The following SLC7A1 variants were observed in gnomAD, a reference collection of about 807,000 sequenced individuals.
SLC7A1 encodes the protein solute carrier family 7 member 1.
A neutral mutation model predicts 53.9 loss-of-function variants in SLC7A1; 10 were observed. The observed-to-expected ratio is 0.19, with a 90% CI of 0.11 to 0.31. The LOEUF (loss-of-function observed/expected upper bound fraction) is 0.31. Ranked by LOEUF, SLC7A1 falls within the 10% of genes least tolerant of loss-of-function variation. SLC7A1 has a pLI of 1.00. For missense variants in SLC7A1, 525 were observed against 827.2 expected (o/e 0.63, Z 4.48); for synonymous variants, 342 against 338.7 (o/e 1.01, Z -0.11).
In SLC7A1 at chr13:29,532,972, G is replaced by A. The variant is rs572108301; in HGVS notation, c.381C>T (p.Ser127=). The change falls in exon 4 of 13, where the codon AGC becomes AGT. Residue 127 remains serine, a synonymous_variant. Transcript: ENST00000380752. Reference sequence around the variant, plus strand: ...AGGTGGCGCTCCAGGCCCTCGCTACGCTTGAAGTACCTGCCACAAAGCACA... The same window carrying A: ...AGGTGGCGCTCCAGGCCCTCGCTACACTTGAAGTACCTGCCACAAAGCACA... The part of the protein sequence containing the change: ...LILSYIIGTS[S]VARAWSATFD... 2.5e-5 allele frequency: 41 copies of A among 1,612,044 alleles called. No individual in the cohort carries two copies. Among genetic ancestry groups the A allele is most frequent in the South Asian group, 2.1e-4 (19 of 90,782 alleles).
At chr13:29,578,926 T>C (rs903185421) in intron 1 of SLC7A1, among the ~76,000 whole-genome samples, 2 of 152,214 alleles carry the variant, frequency 1.3e-5, no homozygotes, top group African/African-American at 4.8e-5. Context: ...CATCTTTCAA[T>C]ATTGCCTTTT....
Position 29,578,287 on chromosome 13 carries a change from GT to G in SLC7A1, c.-115+17128del, listed in dbSNP as rs967981032. Among the ~76,000 whole-genome samples, 555 of 149,278 alleles carry G rather than the reference GT, an allele frequency of 3.7e-3. 3 individuals carry two copies. The highest frequency in any genetic ancestry group is 0.013 in the African/African-American group (530 of 40,772). On this transcript the variant is annotated intron_variant, in intron 1 of 12. Transcript: ENST00000380752. ...TCTGAACTTGGGCTGCACAACTGAAGTTTTTTTTTTGTTTTTTGCAAATCGA... is the reference window on the plus strand; with the variant it reads ...TCTGAACTTGGGCTGCACAACTGAAGTTTTTTTTTGTTTTTTGCAAATCGA...
At chr13:29,595,260 G>C (rs1872262747) in intron 1 of SLC7A1, among the ~76,000 whole-genome samples, 156 bp downstream of exon 1, 1 of 151,938 alleles carries the variant, frequency 6.6e-6, no homozygotes, top group East Asian at 2.0e-4. Context: ...CCCGGCCCTG[G>C]TCCTGGCCCT....
At chr13:29,580,474 C>T (rs2139181632) in intron 1 of SLC7A1, among the ~76,000 whole-genome samples, 1 of 152,126 alleles carries the variant, frequency 6.6e-6, no homozygotes, top group Non-Finnish European at 1.5e-5. Context: ...CCAGACAATA[C>T]ATAAACACAT....
rs1439211572 is a variant in SLC7A1, at chr13:29,510,370, T to G, written c.*4110A>C. The G allele has an allele frequency of 6.6e-6, 1 of 152,654 alleles. No homozygotes were observed. Among genetic ancestry groups the G allele is most frequent in the Non-Finnish European group, 1.5e-5 (1 of 68,048 alleles). 9.5% of individuals were successfully genotyped at this position (152,654 alleles called of 1,614,324 possible). A position where few individuals can be genotyped will look rare whatever the true frequency, so the allele number is the denominator to read the frequency against. The stretch of plus-strand genomic sequence containing the variant: ...CATAAGCGTGATGACACATGGAGTG[T>G]AGCTTCTTGCACCACTGGATCAACA... On this transcript the variant is annotated 3_prime_UTR_variant, in exon 13 of 13. Transcript: ENST00000380752.
chr13:29,516,509 AT>A (rs1400588044), intron 11 of SLC7A1, among the ~76,000 whole-genome samples: 1 of 152,152 alleles, frequency 6.6e-6, no homozygotes, highest in African/African-American at 2.4e-5. Context: ...CTCCATTCTC[AT>A]TTTTCTCTGT....
At chr13:29,584,088 T>C (rs1443665921) in intron 1 of SLC7A1, among the ~76,000 whole-genome samples, 2 of 151,738 alleles carry the variant, frequency 1.3e-5, no homozygotes, top group African/African-American at 4.8e-5. Flanking sequence ...ATACCAACAA[T>C]GGTGATGGTA....
chr13:29,517,729 G>A lies in SLC7A1; in HGVS notation c.1354C>T (p.Pro452Ser). 3 of 1,614,144 alleles carry A rather than the reference G, an allele frequency of 1.9e-6. No homozygotes were observed. The highest frequency in any genetic ancestry group is 1.3e-5 in the African/African-American group (1 of 75,038). Residue 452 changes from proline (P) to serine (S), a missense_variant, in exon 10 of 13, where the codon CCA (proline) becomes TCA (serine). Pro to Ser is a moderately conservative substitution (Grantham distance 74, BLOSUM62 -1). Transcript: ENST00000380752. ...QMASTSDELD[P>S]ADQNELASTN... ...CTTGCCAATTCATTTTGGTCTGCTG[G>A]ATCTAACTCGTCGGAAGTACTGGCC...
chr13:29,546,523 C>A (rs1213813592), intron 2 of SLC7A1, among the ~76,000 whole-genome samples: 3 of 152,136 alleles, frequency 2.0e-5, no homozygotes, highest in African/African-American at 7.2e-5. Context: ...GGGTTCCATG[C>A]CAACCTAACT....
rs67453429 is a variant in SLC7A1 at position 29,593,763 on chromosome 13, C to CT, written c.-115+1652dup. Among the ~76,000 whole-genome samples, 573 of 146,908 alleles carry CT rather than the reference C, an allele frequency of 3.9e-3. 12 individuals carry two copies. The highest frequency in any genetic ancestry group is 0.019 in the Admixed American group (278 of 14,738). On this transcript the variant is annotated intron_variant, in intron 1 of 12. Coordinates refer to ENST00000380752, the MANE Select transcript of SLC7A1 (RefSeq NM_003045.5). ...CAACAGTCTTGTCTTTCAAGCCTTT[C>CT]TTTTTTTTTTTCACCTAAAGCAAGT...
At chr13:29,518,104 G>C (rs1868444411) in intron 9 of SLC7A1, among the ~76,000 whole-genome samples, 1 of 152,182 alleles carries the variant, frequency 6.6e-6, no homozygotes, top group African/African-American at 2.4e-5. Flanking sequence ...AGATGCTAAA[G>C]ATACTAGGCC....
At chr13:29,542,328 G>A (rs1351753178) in intron 2 of SLC7A1, among the ~76,000 whole-genome samples, 5 of 152,006 alleles carry the variant, frequency 3.3e-5, no homozygotes, top group South Asian at 2.1e-4. Context: ...GGTGGCAGGC[G>A]CCTGTAATCC....
intron 11 of SLC7A1, 37 bp downstream of exon 11, chr13:29,517,107 G>C: frequency 6.5e-7 from 1 of 1,547,326 alleles, no homozygotes; most frequent in Non-Finnish European, 8.7e-7. Context: ...GCCAGGGTCT[G>C]TGTACCAGGG....
rs1869400763 is a variant in SLC7A1, at chr13:29,536,018, C to G, written c.171G>C (p.Val57=). 3 of 1,613,890 alleles carry G rather than the reference C, an allele frequency of 1.9e-6. No individual in the cohort carries two copies. Among genetic ancestry groups the G allele is most frequent in the Non-Finnish European group, 2.5e-6 (3 of 1,180,028 alleles). Reference sequence around the variant, plus strand: ...TGGCAGGGCCTGCATTCTCACGGGCCACAGCTCCAGCCAGGACGTAGACAC... The same window carrying G: ...TGGCAGGGCCTGCATTCTCACGGGCGACAGCTCCAGCCAGGACGTAGACAC... The part of the protein sequence containing the change: ...GAGVYVLAGA[V]ARENAGPAIV... The change falls in exon 3 of 13, where the codon GTG becomes GTC. Residue 57 remains valine, a synonymous_variant. Coordinates refer to ENST00000380752, the MANE Select transcript of SLC7A1 (RefSeq NM_003045.5).
At chr13:29,517,426 A>G (rs1168045212) in intron 10 of SLC7A1, 116 bp from the exon 11 acceptor site, 2 of 1,250,072 alleles carry the variant, frequency 1.6e-6, no homozygotes, top group Admixed American at 1.9e-5. Context: ...CGAAGGCACA[A>G]CTACAGTTAA....
intron 2 of SLC7A1, among the ~76,000 whole-genome samples, chr13:29,538,137 C>T (rs924757337): frequency 3.9e-5 from 6 of 152,216 alleles, no homozygotes; most frequent in East Asian, 1.9e-4. Context: ...TCATCTGATC[C>T]TATCCCTTTG....
intron 1 of SLC7A1, among the ~76,000 whole-genome samples, chr13:29,565,418 G>T (rs966537241): frequency 1.3e-5 from 2 of 152,222 alleles, no homozygotes; most frequent in African/African-American, 2.4e-5. Context: ...AACAGGGCCT[G>T]GAGGAGCACA....
intron 3 of SLC7A1, among the ~76,000 whole-genome samples, chr13:29,534,524 T>G (rs1455314841): frequency 1.3e-5 from 2 of 152,212 alleles, no homozygotes; most frequent in African/African-American, 4.8e-5. Flanking sequence ...CTATGTTGGC[T>G]CTCAGCAGAT....
intron 2 of SLC7A1, among the ~76,000 whole-genome samples, chr13:29,543,527 C>A (rs10454589): frequency 0.079 from 11,970 of 152,246 alleles, 570 homozygotes; most frequent in Middle Eastern, 0.15. Flanking sequence ...GGCAGAAGTT[C>A]CCAGGGACCT....
Sources: allele counts gnomAD v4.1 joint callset (sites outside exome capture counted in the v4.1 genomes callset), GRCh38; gene constraint gnomAD v4.1.1; transcripts MANE v1.5; gene names NCBI Gene and HGNC (gene_info 2026-07-23, HGNC 2026-07-21).